ITPK1: variants seen among roughly 807,000 people sequenced by gnomAD.
ITPK1 encodes the protein inositol 1,3,4-trisphosphate 5/6-kinase.
A neutral mutation model predicts 45.3 loss-of-function variants in ITPK1; 21 were observed. The ratio of observed to expected loss-of-function variants is 0.46; its 90% CI spans 0.33 to 0.67. The LOEUF (loss-of-function observed/expected upper bound fraction) is 0.67. ITPK1 is among the 30% of genes least tolerant of loss of function. The probability of loss-of-function intolerance (pLI) is 0.02; values close to 1 mark genes in which losing one functional copy is unlikely to be tolerated. For missense variants in ITPK1, 474 were observed against 573.5 expected, an observed-to-expected ratio of 0.83 and a Z score of 1.77; for synonymous variants, 258 against 253.6, an observed-to-expected ratio of 1.02 and a Z score of -0.16.
rs530180358 is a variant in ITPK1 at position 93,063,487 on chromosome 14, C to T, written c.120+13108G>A. ...CCTGTCCCTGACCTCAGGCTACCCACGCTTCTCCTACGAGGGCCTGAGTTT... is the reference window on the plus strand; with the variant it reads ...CCTGTCCCTGACCTCAGGCTACCCATGCTTCTCCTACGAGGGCCTGAGTTT... On this transcript the variant is annotated intron_variant, in intron 3 of 10. Coordinates refer to ENST00000267615, the MANE Select transcript of ITPK1 (RefSeq NM_014216.6). The surrounding 1 kb of genome is among the most constrained non-coding windows in gnomAD (Gnocchi z 4.3). 3.7e-4 allele frequency among the ~76,000 whole-genome samples: 56 copies of T among 152,348 alleles called. No individual in the cohort carries two copies. The highest frequency in any genetic ancestry group is 1.3e-3 in the African/African-American group (53 of 41,588).
chr14:92,951,805 G>T, intron 9 of ITPK1, 141 bp downstream of exon 9: 2 of 662,262 alleles, frequency 3.0e-6, no homozygotes, highest in Non-Finnish European at 2.6e-6. Flanking sequence ...GAACCTCCTG[G>T]GGCCTGTGGC....
chr14:92,976,384 C>T (rs1032915005), intron 5 of ITPK1, among the ~76,000 whole-genome samples: 7 of 152,222 alleles, frequency 4.6e-5, no homozygotes, highest in African/African-American at 7.2e-5. Flanking sequence ...TCGGGACACA[C>T]CCCTGGGTCC....
chr14:92,952,291 C>T (rs1443802269), intron 8 of ITPK1, among the ~76,000 whole-genome samples: 1 of 152,184 alleles, frequency 6.6e-6, no homozygotes, highest in African/African-American at 2.4e-5. Flanking sequence ...TCCCTGAGGC[C>T]CTGTTCCCAA....
In ITPK1 at chr14:93,100,813, G is replaced by A. The variant is rs1892285255; in HGVS notation, c.95+14256C>T. Among the ~76,000 whole-genome samples the A allele has an allele frequency of 4.6e-5, 7 of 152,270 alleles. No individual in the cohort carries two copies. In the South Asian group the frequency reaches 1.4e-3, roughly 31 times the overall value. On this transcript the variant is annotated intron_variant, in intron 2 of 10. Coordinates refer to ENST00000267615, the MANE Select transcript of ITPK1 (RefSeq NM_014216.6). Reference sequence around the variant, plus strand: ...ACCCCAATGACTCATCACATCTGTTGGTTAATTGAGAGTGAGAGGACTGGA... The same window carrying A: ...ACCCCAATGACTCATCACATCTGTTAGTTAATTGAGAGTGAGAGGACTGGA...
At chr14:92,947,287 C>T (rs764043973) in intron 9 of ITPK1, among the ~76,000 whole-genome samples, 34 of 152,376 alleles carry the variant, frequency 2.2e-4, no homozygotes, top group Non-Finnish European at 4.4e-4. Context: ...GCTCAGCTTT[C>T]CTCAAGGTTT....
chr14:93,076,596 T>C lies in ITPK1; in HGVS notation c.119A>G (p.Gln40Arg), dbSNP rs141628175. The change falls in exon 3 of 11, where the codon CAG (glutamine) becomes CGG (arginine). Residue 40 changes from glutamine to arginine, a missense_variant and splice_region_variant. By Grantham distance (43) the Gln-to-Arg change is conservative. Coordinates refer to ENST00000267615, the MANE Select transcript of ITPK1 (RefSeq NM_014216.6). This position sits in a 1 kb window ranked among gnomAD's most constrained non-coding sequence, Gnocchi z 4.3. ...LCRKRGMEVV[Q>R]LNLSRPIEEQ... ...CACGGGGACGCGGTCTGTACTCACC[T>C]GCACAACCTCCATCCCTCGCTTCCT... 6.6e-5 allele frequency: 106 copies of C among 1,614,084 alleles called. No homozygotes were observed. The highest frequency in any genetic ancestry group is 8.4e-5 in the Non-Finnish European group (99 of 1,180,026).
At chr14:93,092,291 A>C (rs930868485) in intron 2 of ITPK1, among the ~76,000 whole-genome samples, 2 of 152,206 alleles carry the variant, frequency 1.3e-5, no homozygotes, top group African/African-American at 4.8e-5. Context: ...CCCTACAAGG[A>C]CCAGAGTGCC....
At position 92,958,506 on chromosome 14, in the gene ITPK1, C is replaced by T. The variant is rs1295537468; in HGVS notation, c.505-140G>A. ...GGCATGAGGACTCCCCTAGAGGAGC[C>T]TTGAGCCAGGGTGAGTGGAGTGGGA... On this transcript the variant is annotated intron_variant, in intron 7 of 10. Transcript: ENST00000267615. This position sits in a 1 kb window ranked among gnomAD's most constrained non-coding sequence, Gnocchi z 4.4. 2 of 748,114 alleles carry T rather than the reference C, an allele frequency of 2.7e-6. No homozygotes were observed. Among genetic ancestry groups the T allele is most frequent in the East Asian group, 2.7e-5 (1 of 37,054 alleles). The allele number at this position is 748,114 out of a possible 1,614,324, so 46.3% of individuals were successfully genotyped here.
At chr14:92,981,752 A>T (rs1304090517) in intron 5 of ITPK1, among the ~76,000 whole-genome samples, 1 of 152,240 alleles carries the variant, frequency 6.6e-6, no homozygotes, top group Non-Finnish European at 1.5e-5. Flanking sequence ...GACAGCGGCC[A>T]GCAGACAATG....
At chr14:92,998,560 G>A (rs1337778659) in intron 4 of ITPK1, among the ~76,000 whole-genome samples, 3 of 152,242 alleles carry the variant, frequency 2.0e-5, no homozygotes, top group Non-Finnish European at 4.4e-5. Context: ...AGTAGGTGAG[G>A]GACGGATGAA....
At chr14:93,109,196 TA>T (rs1009366583) in intron 2 of ITPK1, among the ~76,000 whole-genome samples, 1 of 151,324 alleles carries the variant, frequency 6.6e-6, no homozygotes, top group East Asian at 1.9e-4. Flanking sequence ...CACAGCTGTT[TA>T]AAAAAAAAGA....
chr14:92,985,596 G>C (rs1029258987), intron 5 of ITPK1, among the ~76,000 whole-genome samples: 1 of 151,786 alleles, frequency 6.6e-6, no homozygotes, highest in Non-Finnish European at 1.5e-5. Flanking sequence ...ACTCTTGTTT[G>C]GGGAAATAAA....
intron 5 of ITPK1, among the ~76,000 whole-genome samples, chr14:92,971,470 A>C (rs1349958976): frequency 2.0e-5 from 3 of 152,230 alleles, no homozygotes; most frequent in African/African-American, 7.2e-5. Flanking sequence ...CTCATGTTTA[A>C]ACCCTGGCAC....
intron 10 of ITPK1, among the ~76,000 whole-genome samples, chr14:92,943,460 C>G (rs1273283778): frequency 6.6e-6 from 1 of 152,188 alleles, no homozygotes; most frequent in Non-Finnish European, 1.5e-5. Flanking sequence ...ACCATAGGAC[C>G]CGGGGTGTCC....
intron 2 of ITPK1, among the ~76,000 whole-genome samples, chr14:93,096,081 C>G (rs1892068421): frequency 6.6e-6 from 1 of 152,204 alleles, no homozygotes; most frequent in Admixed American, 6.5e-5. Flanking sequence ...TTCCTCACGG[C>G]CCTGTCCTCC....
chr14:92,939,335 C>T lies in ITPK1; in HGVS notation c.*2226G>A, dbSNP rs950377875. Reference sequence around the variant, plus strand: ...ACACTGTCCAGGGATCAAAGATGGTCAGCGTGCACCCTTAGGGTACGTTTA... The same window carrying T: ...ACACTGTCCAGGGATCAAAGATGGTTAGCGTGCACCCTTAGGGTACGTTTA... On this transcript the variant is annotated 3_prime_UTR_variant, in exon 11 of 11. Transcript: ENST00000267615. 1 of 152,246 alleles carries T rather than the reference C, an allele frequency of 6.6e-6. No homozygotes were observed. The highest frequency in any genetic ancestry group is 1.5e-5 in the Non-Finnish European group (1 of 68,060). 9.4% of individuals were successfully genotyped at this position (152,246 alleles called of 1,614,324 possible).
intron 3 of ITPK1, among the ~76,000 whole-genome samples, chr14:93,060,207 C>T (rs1403058261): frequency 6.6e-6 from 1 of 152,160 alleles, no homozygotes; most frequent in Non-Finnish European, 1.5e-5. Flanking sequence ...AGCAGAACAG[C>T]TCCTCTCTGC....
At chr14:93,050,548 T>A (rs1451028647) in intron 3 of ITPK1, among the ~76,000 whole-genome samples, 4 of 152,162 alleles carry the variant, frequency 2.6e-5, no homozygotes, top group Admixed American at 2.6e-4. Context: ...ATACTGCAGC[T>A]GGCTTTTGAA....
chr14:92,986,387 G>A (rs1886485167), intron 5 of ITPK1, among the ~76,000 whole-genome samples: 1 of 152,206 alleles, frequency 6.6e-6, no homozygotes, highest in African/African-American at 2.4e-5. Context: ...AGTCTGGAGG[G>A]AGTTAGTCAA....
Sources: allele counts gnomAD v4.1 joint callset (sites outside exome capture counted in the v4.1 genomes callset), GRCh38; gene constraint gnomAD v4.1.1; non-coding constraint Gnocchi (gnomAD v3.1); transcripts MANE v1.5; gene names NCBI Gene and HGNC (gene_info 2026-07-23, HGNC 2026-07-21).